Variants in AGBL1 observed in about 807,000 individuals in gnomAD.
AGBL1 encodes cytosolic carboxypeptidase 4.
In AGBL1, 130 loss-of-function variants were observed where a neutral mutation model predicts 118.9. The observed-to-expected ratio is 1.09, with a 90% CI of 0.95 to 1.26. The LOEUF (loss-of-function observed/expected upper bound fraction) is 1.26, where lower values mean the gene tolerates loss of function less well. AGBL1 is among the 50% of genes most tolerant of loss of function. The pLI, the probability that AGBL1 is intolerant of heterozygous loss-of-function variation, is 0.00. For missense variants in AGBL1, 1,584 were observed against 1,298.1 expected (o/e 1.22, Z -3.38); for synonymous variants, 555 against 478.9 (o/e 1.16, Z -2.08).
At chr15:87,025,595 GAGCAAT>G (rs2081718837) in intron 24 of AGBL1, among the ~76,000 whole-genome samples, 1 of 151,886 alleles carries the variant, frequency 6.6e-6, no homozygotes, top group Admixed American at 6.6e-5. Flanking sequence ...TACAAATTCA[GAGCAAT>G]ACCCATCAAA....
At chr15:86,356,322 C>G (rs2080717883) in intron 17 of AGBL1, among the ~76,000 whole-genome samples, 1 of 148,920 alleles carries the variant, frequency 6.7e-6, no homozygotes, top group African/African-American at 2.5e-5. Context: ...GGATTTATAT[C>G]TACGAAGATA....
At position 86,147,449 on chromosome 15, in the gene AGBL1, T is replaced by C. The variant is rs138002175; in HGVS notation, c.262+3604T>C. Among the ~76,000 whole-genome samples, 1,087 of 152,290 alleles carry C rather than the reference T, an allele frequency of 7.1e-3. 5 individuals carry two copies. The highest frequency in any genetic ancestry group is 0.02 in the Middle Eastern group (6 of 294). ...CCCAAGGTTAGCAACCTGCAGACAATGTAATTCTCTCCTGTGCCTGGCTTG... is the reference window on the plus strand; with the variant it reads ...CCCAAGGTTAGCAACCTGCAGACAACGTAATTCTCTCCTGTGCCTGGCTTG... On this transcript the variant is annotated intron_variant, in intron 3 of 22. Coordinates refer to ENST00000614907, the MANE Select transcript of AGBL1 (RefSeq NM_001386094.1).
intron 18 of AGBL1, among the ~76,000 whole-genome samples, chr15:86,502,057 C>T (rs1205304573): frequency 1.3e-5 from 2 of 151,536 alleles, no homozygotes; most frequent in African/African-American, 4.8e-5. Flanking sequence ...AATATCAAGT[C>T]TTCAAGTTCA....
At chr15:86,279,549 C>A in intron 15 of AGBL1, 90 bp from the exon 16 acceptor site, 2 of 1,309,592 alleles carry the variant, frequency 1.5e-6, no homozygotes, top group Non-Finnish European at 1.1e-6. Flanking sequence ...ATATAACGCA[C>A]AAGATTTATA....
At chr15:86,437,979 T>C (rs1596114712) in intron 18 of AGBL1, among the ~76,000 whole-genome samples, 1 of 152,074 alleles carries the variant, frequency 6.6e-6, no homozygotes, top group South Asian at 2.1e-4. Context: ...AATCTCGGCT[T>C]ACTGCAACCT....
chr15:86,710,855 A>G (rs143340106), intron 22 of AGBL1, among the ~76,000 whole-genome samples: 5 of 152,340 alleles, frequency 3.3e-5, no homozygotes, highest in African/African-American at 1.2e-4. Context: ...AGCACTGCCA[A>G]TTACTGACTT....
At chr15:86,717,344 C>T (rs567869395) in intron 22 of AGBL1, among the ~76,000 whole-genome samples, 44 of 152,228 alleles carry the variant, frequency 2.9e-4, no homozygotes, top group Admixed American at 9.8e-4. Flanking sequence ...TGGAACATGA[C>T]GATCTCTTCT....
At position 86,386,998 on chromosome 15, in the gene AGBL1, A is replaced by G. The variant is rs567639824; in HGVS notation, c.2375-10368A>G. Among the ~76,000 whole-genome samples the G allele has an allele frequency of 7.1e-4, 108 of 152,308 alleles. 1 individual carries two copies. Among genetic ancestry groups the G allele is most frequent in the Non-Finnish European group, 1.1e-3 (77 of 68,026 alleles). On this transcript the variant is annotated intron_variant, in intron 17 of 22. Transcript: ENST00000614907. ...TAATTACAGTTAATTGCACCTATCT[A>G]CTCAGCAAATATTTTCTGAATAATT...
rs561177811 is a variant in AGBL1, at chr15:86,766,627, C to G, written c.3158+92191C>G. 9.2e-5 allele frequency among the ~76,000 whole-genome samples: 14 copies of G among 151,904 alleles called. 1 individual carries two copies. Among genetic ancestry groups the G allele is most frequent in the Admixed American group, 9.2e-4 (14 of 15,218 alleles). ...TGATTTTTATTTCAGTGCCAAGATT[C>G]CCTTATTCATCCATTTGTCCATTTA... On this transcript the variant is annotated intron_variant, in intron 22 of 22. Coordinates refer to ENST00000614907, the MANE Select transcript of AGBL1 (RefSeq NM_001386094.1).
At chr15:86,741,381 C>CAAAAAAGAAAAAAAAAAAAAAAAA (rs2077675644) in intron 22 of AGBL1, among the ~76,000 whole-genome samples, 1 of 30,512 alleles carries the variant, frequency 3.3e-5, no homozygotes, top group Non-Finnish European at 5.3e-5. Flanking sequence ...TAAGGCAAAG[C>CAAAAAAGAAAAAAAAAAAAAAAAA]AAAAAAAAAA....
At chr15:86,717,204 G>C (rs2086651403) in intron 22 of AGBL1, among the ~76,000 whole-genome samples, 2 of 152,170 alleles carry the variant, frequency 1.3e-5, no homozygotes, top group African/African-American at 4.8e-5. Flanking sequence ...TGTGATAAGA[G>C]CTGAGAACAA....
chr15:86,218,570 A>T (rs936211085), intron 5 of AGBL1, among the ~76,000 whole-genome samples: 1 of 152,182 alleles, frequency 6.6e-6, no homozygotes, highest in Non-Finnish European at 1.5e-5. Context: ...AGGACATGTC[A>T]TCCCTGGTCA....
chr15:86,982,249 A>C (rs1334503653), intron 23 of AGBL1, among the ~76,000 whole-genome samples: 1 of 152,154 alleles, frequency 6.6e-6, no homozygotes, highest in Non-Finnish European at 1.5e-5. Flanking sequence ...TCAAATATGC[A>C]CATTTCCAAT....
chr15:86,148,502 C>T (rs12915226), intron 3 of AGBL1, among the ~76,000 whole-genome samples: 22,941 of 151,830 alleles, frequency 0.15, 2,037 homozygotes, highest in Admixed American at 0.2. Flanking sequence ...GTAGCCAATT[C>T]GATCAAGTGG....
intron 22 of AGBL1, among the ~76,000 whole-genome samples, chr15:86,747,463 G>A (rs980020741): frequency 2.0e-5 from 3 of 152,038 alleles, no homozygotes; most frequent in African/African-American, 4.8e-5. Flanking sequence ...GAAATTTCTT[G>A]CCAAAGGCAA....
intron 21 of AGBL1, among the ~76,000 whole-genome samples, chr15:86,609,216 TGAG>T (rs2084625237): frequency 6.6e-6 from 1 of 152,214 alleles, no homozygotes; most frequent in East Asian, 1.9e-4. Context: ...GCCTTCCTCT[TGAG>T]GAGTACTAGA....
chr15:86,215,215 A>G (rs866120841), intron 5 of AGBL1, among the ~76,000 whole-genome samples: 43 of 123,054 alleles, frequency 3.5e-4, no homozygotes, highest in South Asian at 1.1e-3. Flanking sequence ...GTGTGAGTGT[A>G]TATGTATGCG....
chr15:86,184,685 C>G (rs983970045), intron 5 of AGBL1, among the ~76,000 whole-genome samples: 2 of 152,076 alleles, frequency 1.3e-5, no homozygotes, highest in Non-Finnish European at 2.9e-5. Flanking sequence ...TCCTTTTTCT[C>G]TAACCTTGAA....
intron 22 of AGBL1, among the ~76,000 whole-genome samples, chr15:86,682,361 C>A (rs534078303): frequency 6.6e-6 from 1 of 152,150 alleles, no homozygotes; most frequent in Admixed American, 6.6e-5. Context: ...GTTTCATTAG[C>A]TGTTAAAAGC....
Sources: gnomAD v4.1 joint callset for allele counts (sites outside exome capture counted in the v4.1 genomes callset) on GRCh38, gnomAD v4.1.1 for gene constraint, MANE v1.5 for transcripts, NCBI Gene and HGNC (gene_info 2026-07-23, HGNC 2026-07-21) for gene names.